PIK3CD: variants seen among roughly 807,000 people sequenced by gnomAD.
PIK3CD encodes phosphatidylinositol-4,5-bisphosphate 3-kinase catalytic subunit delta.
PIK3CD carries 20 observed loss-of-function variants against 122.9 expected under a neutral mutation model. That is an observed-to-expected ratio of 0.16 (90% CI 0.11 to 0.24). The LOEUF is 0.24. Among genes scored for constraint, PIK3CD ranks in the 10% least tolerant of loss-of-function variants. The probability of loss-of-function intolerance (pLI) is 1.00; values close to 1 mark genes in which losing one functional copy is unlikely to be tolerated. For missense variants in PIK3CD, 787 were observed against 1,406.3 expected (o/e 0.56, Z 7.04); for synonymous variants, 596 against 593.4 (o/e 1.00, Z -0.06).
At chr1:9,641,685 C>A in the PIK3CD span, among the ~76,000 whole-genome samples, 12 of 152,142 alleles carry the variant, frequency 7.9e-5, no homozygotes, top group Non-Finnish European at 1.5e-4. Context: ...CCTCCACCTG[C>A]AAAACCCACA....
the PIK3CD span, among the ~76,000 whole-genome samples, chr1:9,630,495 A>T: frequency 6.6e-6 from 1 of 152,200 alleles, no homozygotes; most frequent in Non-Finnish European, 1.5e-5. Context: ...TGCCAGACAC[A>T]GGGGAGCAGC....
chr1:9,641,766 A>T, the PIK3CD span, among the ~76,000 whole-genome samples: 1 of 151,434 alleles, frequency 6.6e-6, no homozygotes, highest in Admixed American at 6.6e-5. Flanking sequence ...AAGGCCAGAG[A>T]CTCCCAGCTC....
In PIK3CD at chr1:9,715,756, C is replaced by T. The variant is rs755510703; in HGVS notation, c.357C>T (p.Leu119=). ...AGCTCATCAACTCACAGATCAGCCTCCTCATCGGCAAAGGTAGCTCTGCCG... is the reference window on the plus strand; with the variant it reads ...AGCTCATCAACTCACAGATCAGCCTTCTCATCGGCAAAGGTAGCTCTGCCG... ...VKKLINSQIS[L]LIGKGLHEFD... is the part of the protein sequence containing the mutation. The change falls in exon 4 of 24, where the codon CTC becomes CTT. Residue 119 remains leucine, a synonymous_variant. Transcript: ENST00000377346. The surrounding 1 kb of genome is among the most constrained non-coding windows in gnomAD (Gnocchi z 4.1). 6.8e-6 allele frequency: 11 copies of T among 1,613,172 alleles called. 1 individual carries two copies. The highest frequency in any genetic ancestry group is 1.6e-4 in the Middle Eastern group (1 of 6,084).
chr1:9,631,522 G>T, the PIK3CD span, among the ~76,000 whole-genome samples: 21 of 152,340 alleles, frequency 1.4e-4, no homozygotes. Flanking sequence ...TGGGCATGGT[G>T]GCAGATGCCT....
intron 1 of PIK3CD, among the ~76,000 whole-genome samples, chr1:9,673,595 G>T (rs1645406973): frequency 6.6e-6 from 1 of 151,742 alleles, no homozygotes; most frequent in South Asian, 2.1e-4. Context: ...TAGAGACGAA[G>T]TCTGGCTATG....
intron 1 of PIK3CD, among the ~76,000 whole-genome samples, chr1:9,668,871 GA>G (rs1645240413): frequency 6.6e-6 from 1 of 152,144 alleles, no homozygotes; most frequent in African/African-American, 2.4e-5. Context: ...TTAGCTCCCT[GA>G]GCAGATGAGT....
chr1:9,628,953 C>T, the PIK3CD span, among the ~76,000 whole-genome samples: 6 of 150,434 alleles, frequency 4.0e-5, 1 homozygote, highest in South Asian at 8.6e-4. Context: ...CAGAAGCCCC[C>T]GTTTGCCGTC....
chr1:9,663,146 G>A (rs771436291), intron 1 of PIK3CD, among the ~76,000 whole-genome samples: 8 of 152,078 alleles, frequency 5.3e-5, no homozygotes, highest in Non-Finnish European at 8.8e-5. Flanking sequence ...TGGCTCTGGC[G>A]CTCTGAGCAT....
the PIK3CD span, among the ~76,000 whole-genome samples, chr1:9,645,064 C>T: frequency 0.011 from 1,443 of 135,820 alleles, 11 homozygotes; most frequent in Non-Finnish European, 0.017. Context: ...CTTGTTCTGT[C>T]ACCCAGGCTG....
Position 9,727,227 on chromosome 1 carries a change from C to T in PIK3CD, c.*181C>T. 1 of 732,426 alleles carries T rather than the reference C, an allele frequency of 1.4e-6. No homozygotes were observed. Among genetic ancestry groups the T allele is most frequent in the East Asian group, 2.8e-5 (1 of 36,340 alleles). 45.4% of individuals were successfully genotyped at this position (732,426 alleles called of 1,614,324 possible). The stretch of plus-strand genomic sequence containing the variant: ...GAAATAGTTTAAGGAGCTAAACAGC[C>T]ATAAACGGAAACGCCTCCTTCATGC... On this transcript the variant is annotated 3_prime_UTR_variant, in exon 24 of 24. Transcript: ENST00000377346.
At position 9,717,639 on chromosome 1, in the gene PIK3CD, G is replaced by A. The variant is rs377072140; in HGVS notation, c.1020+13G>A. 144 of 1,612,476 alleles carry A rather than the reference G, an allele frequency of 8.9e-5. No individual in the cohort carries two copies. The highest frequency in any genetic ancestry group is 1.1e-4 in the Non-Finnish European group (135 of 1,178,746). On this transcript the variant is annotated intron_variant, in intron 8 of 23. Transcript: ENST00000377346. This position sits in a 1 kb window ranked among gnomAD's most constrained non-coding sequence, Gnocchi z 5.4. Reference sequence around the variant, plus strand: ...CGAGCGGATGAAGGTGGGGCTCCTGGGATAGGTGGGAGAGACACTGTTTTT... The same window carrying A: ...CGAGCGGATGAAGGTGGGGCTCCTGAGATAGGTGGGAGAGACACTGTTTTT...
chr1:9,717,443 C>T lies in PIK3CD; in HGVS notation c.931-94C>T, dbSNP rs1647676151. The T allele has an allele frequency of 8.1e-7, 1 of 1,238,212 alleles. No individual in the cohort carries two copies. The highest frequency in any genetic ancestry group is 1.7e-5 in the Admixed American group (1 of 58,862). The allele number at this position is 1,238,212 out of a possible 1,614,324, so 76.7% of individuals were successfully genotyped here. On this transcript the variant is annotated intron_variant, in intron 7 of 23. Transcript: ENST00000377346. The surrounding 1 kb of genome is among the most constrained non-coding windows in gnomAD (Gnocchi z 5.4). ...CCTGGCCGCAAACCTGTGACCCTCT[C>T]ACCCGCCCCCAAGTGGTCACGGGCC... is the stretch of plus-strand genomic sequence containing the variant.
rs1646766750 is a variant in PIK3CD, at chr1:9,704,796, G to A, written c.-32-5628G>A. ...CCCAAAGTGCTGGGATTACAGGCGT[G>A]AGCCACCACGCCCAGCCGGTCCCCC... On this transcript the variant is annotated intron_variant, in intron 2 of 23. Coordinates refer to ENST00000377346, the MANE Select transcript of PIK3CD (RefSeq NM_005026.5). This position sits in a 1 kb window ranked among gnomAD's most constrained non-coding sequence, Gnocchi z 5.0. Among the ~76,000 whole-genome samples, 1 of 152,264 alleles carries A rather than the reference G, an allele frequency of 6.6e-6. No individual in the cohort carries two copies.
intron 3 of PIK3CD, among the ~76,000 whole-genome samples, chr1:9,713,557 A>C (rs1647140367): frequency 6.6e-6 from 1 of 151,856 alleles, no homozygotes; most frequent in Non-Finnish European, 1.5e-5. Context: ...ACGGTATAAC[A>C]TTTTATTCAT....
At chr1:9,655,104 G>A (rs1644808465) in intron 1 of PIK3CD, among the ~76,000 whole-genome samples, 1 of 151,988 alleles carries the variant, frequency 6.6e-6, no homozygotes, top group South Asian at 2.1e-4. Context: ...TTTCAGCCAG[G>A]AGGGTGGCTT....
chr1:9,694,424 C>T (rs189746730), intron 2 of PIK3CD, among the ~76,000 whole-genome samples: 1 of 152,234 alleles, frequency 6.6e-6, no homozygotes. Flanking sequence ...ATCCCAGCTA[C>T]TTAGGAGGCT....
At chr1:9,631,204 A>G in the PIK3CD span, among the ~76,000 whole-genome samples, 1 of 152,178 alleles carries the variant, frequency 6.6e-6, no homozygotes, top group East Asian at 1.9e-4. Flanking sequence ...CTTCACCCAA[A>G]GAGAACTATG....
the PIK3CD span, among the ~76,000 whole-genome samples, chr1:9,631,219 G>A: frequency 2.0e-4 from 31 of 152,312 alleles, no homozygotes; most frequent in Non-Finnish European, 3.5e-4. Context: ...ACTATGTGTG[G>A]TCCCAAGCCC....
At chr1:9,706,035 G>C (rs1311313620) in intron 2 of PIK3CD, among the ~76,000 whole-genome samples, 5 of 141,102 alleles carry the variant, frequency 3.5e-5, no homozygotes, top group Non-Finnish European at 7.6e-5. Flanking sequence ...AATTGCTGTT[G>C]ATTCATTTAT....
Sources: allele counts gnomAD v4.1 joint callset (sites outside exome capture counted in the v4.1 genomes callset), GRCh38; gene constraint gnomAD v4.1.1; non-coding constraint Gnocchi (gnomAD v3.1); transcripts MANE v1.5; gene names NCBI Gene and HGNC (gene_info 2026-07-23, HGNC 2026-07-21).